IGBP1C: variants seen among roughly 807,000 people sequenced by gnomAD.
IGBP1C encodes immunoglobulin-binding protein 1 family member C.
At chr17:58,670,473 G>A in the IGBP1C span, among the ~76,000 whole-genome samples, 24 of 151,714 alleles carry the variant, frequency 1.6e-4, no homozygotes, top group Non-Finnish European at 3.2e-4. Flanking sequence ...TAAGGATCAG[G>A]GACCAAGAAA....
chr17:58,679,435 T>TCTC, the IGBP1C span: 1 of 139,336 alleles, frequency 7.2e-6, no homozygotes, highest in Non-Finnish European at 1.7e-5. Flanking sequence ...GGCATCAATC[T>TCTC]CTCGCTATTC....
chr17:58,679,172 CAGAA>C, the IGBP1C span, among the ~76,000 whole-genome samples: 51 of 151,874 alleles, frequency 3.4e-4, no homozygotes, highest in Middle Eastern at 0.01. Flanking sequence ...AGAAAAAAAA[CAGAA>C]GGACTCTGGA....
chr17:58,660,690 C>A, the IGBP1C span: 1 of 782,202 alleles, frequency 1.3e-6, no homozygotes, highest in Non-Finnish European at 2.4e-6. Flanking sequence ...TTTTCTTGAT[C>A]TTCCTGTTGC....
the IGBP1C span, among the ~76,000 whole-genome samples, chr17:58,663,378 C>A: frequency 2.0e-5 from 3 of 146,412 alleles, no homozygotes; most frequent in African/African-American, 7.6e-5. Flanking sequence ...GCCGAGATCA[C>A]ACCACTGCAC....
At chr17:58,679,699 A>G in the IGBP1C span, 1 of 152,202 alleles carries the variant, frequency 6.6e-6, no homozygotes, top group African/African-American at 2.4e-5. Context: ...ATGAGTCCCC[A>G]GCGCTGCCTG....
chr17:58,666,703 ACTTGCGT>A, the IGBP1C span: 2 of 152,226 alleles, frequency 1.3e-5, no homozygotes, highest in Non-Finnish European at 2.9e-5. Context: ...ATTATGAGGT[ACTTGCGT>A]GACCCCAGCA....
the IGBP1C span, among the ~76,000 whole-genome samples, chr17:58,671,668 T>G: frequency 6.6e-6 from 1 of 152,180 alleles, no homozygotes; most frequent in Non-Finnish European, 1.5e-5. Flanking sequence ...TGCCTTTCCT[T>G]TCTGGATTTG....
At chr17:58,675,412 T>C in the IGBP1C span, 1 of 154,858 alleles carries the variant, frequency 6.5e-6, no homozygotes, top group East Asian at 1.9e-4. Flanking sequence ...TATTAAGAGA[T>C]GTAAGCATTT....
the IGBP1C span, among the ~76,000 whole-genome samples, chr17:58,683,167 G>A: frequency 6.6e-6 from 1 of 151,480 alleles, no homozygotes; most frequent in Non-Finnish European, 1.5e-5. Flanking sequence ...GAGGTCAAGA[G>A]TTCAAGACCA....
At chr17:58,685,745 A>G in the IGBP1C span, among the ~76,000 whole-genome samples, 1 of 151,766 alleles carries the variant, frequency 6.6e-6, no homozygotes, top group African/African-American at 2.4e-5. Context: ...TAATCCCAGC[A>G]GTTTGGGAGG....
the IGBP1C span, among the ~76,000 whole-genome samples, chr17:58,681,015 C>T: frequency 1.3e-5 from 2 of 152,142 alleles, no homozygotes; most frequent in Non-Finnish European, 2.9e-5. Flanking sequence ...GGTGCAGTGG[C>T]TCACACCTGT....
At chr17:58,684,240 T>C in the IGBP1C span, among the ~76,000 whole-genome samples, 2 of 151,246 alleles carry the variant, frequency 1.3e-5, no homozygotes, top group African/African-American at 4.9e-5. Flanking sequence ...GGCGGGTGGA[T>C]CACCTGAGGT....
At chr17:58,684,714 A>G in the IGBP1C span, among the ~76,000 whole-genome samples, 8 of 152,004 alleles carry the variant, frequency 5.3e-5, no homozygotes, top group East Asian at 1.5e-3. Context: ...TATTTTTTAA[A>G]AACTCATATA....
chr17:58,691,740 G>A, the IGBP1C span, among the ~76,000 whole-genome samples: 2 of 150,778 alleles, frequency 1.3e-5, no homozygotes, highest in African/African-American at 4.9e-5. Context: ...CACTCACCTA[G>A]GCAAGGAAGG....
At chr17:58,666,587 G>A in the IGBP1C span, 22,228 of 150,806 alleles carry the variant, frequency 0.15, 2,514 homozygotes, top group East Asian at 0.31. Flanking sequence ...ATACACTGTA[G>A]TTACCCACAT....
chr17:58,679,388 C>T, the IGBP1C span: 1 of 152,168 alleles, frequency 6.6e-6, no homozygotes, highest in African/African-American at 2.4e-5. Context: ...GGGTGTGAGA[C>T]CAAAAGCGTG....
the IGBP1C span, among the ~76,000 whole-genome samples, chr17:58,685,996 C>CAAAAAAAAAAAA: frequency 1.2e-5 from 1 of 82,604 alleles, no homozygotes; most frequent in Non-Finnish European, 2.2e-5. Context: ...CTCTGTCTCA[C>CAAAAAAAAAAAA]AAAAAAAAAA....
chr17:58,690,575 T>C, the IGBP1C span, among the ~76,000 whole-genome samples: 1 of 152,194 alleles, frequency 6.6e-6, no homozygotes, highest in African/African-American at 2.4e-5. Context: ...GGTAATACCA[T>C]GTTTTTTCTT....
chr17:58,673,374 T>C, the IGBP1C span, among the ~76,000 whole-genome samples: 1 of 150,100 alleles, frequency 6.7e-6, no homozygotes, highest in Non-Finnish European at 1.5e-5. Context: ...TCCCAGCTAC[T>C]CAGGAGGCTG....
Sources: gnomAD v4.1 joint callset for allele counts (sites outside exome capture counted in the v4.1 genomes callset) on GRCh38, gnomAD v4.1.1 for gene constraint, MANE v1.5 for transcripts, NCBI Gene and HGNC (gene_info 2026-07-23, HGNC 2026-07-21) for gene names.